RFTN2: variants seen among roughly 807,000 people sequenced by gnomAD.
RFTN2 encodes raftlin family member 2, also known as raftlin-2.
Under a neutral mutation model 52.7 loss-of-function variants are expected in RFTN2, and 34 were observed. The observed-to-expected ratio is 0.64, with a 90% CI of 0.49 to 0.86. The LOEUF is 0.86. Ranked by LOEUF, RFTN2 falls within the 40% of genes least tolerant of loss-of-function variation. RFTN2 has a pLI of 0.00. For missense variants in RFTN2, 536 were observed against 600.1 expected, an observed-to-expected ratio of 0.89 and a Z score of 1.12; for synonymous variants, 203 against 217.7, an observed-to-expected ratio of 0.93 and a Z score of 0.59.
At chr2:197,624,760 A>G (rs2088326963) in intron 5 of RFTN2, among the ~76,000 whole-genome samples, 1 of 152,070 alleles carries the variant, frequency 6.6e-6, no homozygotes, top group Non-Finnish European at 1.5e-5. Flanking sequence ...CAGGAGTTCA[A>G]GACCAGCCTG....
chr2:197,674,212 A>G (rs1473144912), intron 1 of RFTN2, among the ~76,000 whole-genome samples: 1 of 151,908 alleles, frequency 6.6e-6, no homozygotes, highest in Non-Finnish European at 1.5e-5. Context: ...AACATGTTAA[A>G]AGTCTATGTA....
intron 5 of RFTN2, among the ~76,000 whole-genome samples, chr2:197,618,791 G>C (rs889047292): frequency 1.3e-5 from 2 of 151,302 alleles, no homozygotes; most frequent in Admixed American, 1.3e-4. Flanking sequence ...TCTGAGAAGT[G>C]AGGAGACCTT....
At chr2:197,598,181 G>A (rs1000294342) in intron 7 of RFTN2, among the ~76,000 whole-genome samples, 1 of 152,010 alleles carries the variant, frequency 6.6e-6, no homozygotes, top group African/African-American at 2.4e-5. Flanking sequence ...TTATCCAAGT[G>A]TGGTGGTACA....
intron 3 of RFTN2, among the ~76,000 whole-genome samples, chr2:197,639,376 C>T (rs1440368003): frequency 6.6e-6 from 1 of 152,022 alleles, no homozygotes. Flanking sequence ...TTCAGGTACA[C>T]CAGCCAGACG....
intron 8 of RFTN2, among the ~76,000 whole-genome samples, chr2:197,592,367 G>C (rs1289860852): frequency 6.6e-6 from 1 of 152,134 alleles, no homozygotes; most frequent in African/African-American, 2.4e-5. Context: ...AGCTAATTGT[G>C]TATTTTTAGT....
intron 8 of RFTN2, among the ~76,000 whole-genome samples, chr2:197,594,648 T>A (rs929314195): frequency 6.6e-6 from 1 of 152,206 alleles, no homozygotes; most frequent in African/African-American, 2.4e-5. Flanking sequence ...GAATATTTTT[T>A]AATAAACTCA....
Position 197,631,204 on chromosome 2 carries a change from C to T in RFTN2, c.735G>A (p.Leu245=), listed in dbSNP as rs1248802002. Residue 245 remains leucine, a synonymous_variant, in exon 5 of 9, where the codon TTG becomes TTA. Coordinates refer to ENST00000295049, the MANE Select transcript of RFTN2 (RefSeq NM_144629.3). ...CATCAAAAGCATTGAAGACTGTATA[C>T]AATTTGTTATCTGAGGCTAGGCATT... is the stretch of plus-strand genomic sequence containing the variant. ...SRKGEASDNK[L]YTVFNAFDDD... 6.2e-7 allele frequency: 1 copy of T among 1,610,202 alleles called. No individual in the cohort carries two copies. The highest frequency in any genetic ancestry group is 8.5e-7 in the Non-Finnish European group (1 of 1,178,904).
chr2:197,655,177 TTAAAA>T (rs1280116933), intron 1 of RFTN2, among the ~76,000 whole-genome samples: 2 of 152,126 alleles, frequency 1.3e-5, no homozygotes, highest in Non-Finnish European at 2.9e-5. Flanking sequence ...ATACAACATG[TTAAAA>T]TAATCACAAA....
At chr2:197,580,316 C>T (rs934224683) in intron 8 of RFTN2, among the ~76,000 whole-genome samples, 2 of 152,238 alleles carry the variant, frequency 1.3e-5, no homozygotes, top group South Asian at 4.1e-4. Context: ...CTCCAGCACA[C>T]AGGAATTTCA....
intron 8 of RFTN2, among the ~76,000 whole-genome samples, chr2:197,586,455 C>A (rs2087599815): frequency 6.6e-6 from 1 of 152,166 alleles, no homozygotes; most frequent in South Asian, 2.1e-4. Flanking sequence ...TATACAAGGT[C>A]TCTTCTTCCT....
At chr2:197,587,096 C>T (rs1249690928) in intron 8 of RFTN2, among the ~76,000 whole-genome samples, 1 of 152,112 alleles carries the variant, frequency 6.6e-6, no homozygotes, top group Non-Finnish European at 1.5e-5. Flanking sequence ...TCAATTCATA[C>T]AAAACTGCAT....
chr2:197,616,412 C>T (rs115595558), intron 6 of RFTN2, among the ~76,000 whole-genome samples: 4,087 of 151,878 alleles, frequency 0.027, 79 homozygotes, highest in Middle Eastern at 0.041. Context: ...CTGCCTCTGC[C>T]GCCTGAGTAA....
At position 197,652,916 on chromosome 2, in the gene RFTN2, A is replaced by G. The variant is rs114684047; in HGVS notation, c.140-6250T>C. Among the ~76,000 whole-genome samples the G allele has an allele frequency of 2.6e-3, 400 of 152,342 alleles. 3 individuals carry two copies. The highest frequency in any genetic ancestry group is 4.3e-3 in the Admixed American group (66 of 15,302). ...GTCTGTAGCTGACTGCAAACTAATTATAAGCCAAGAGTTAATCTAATGTGA... is the reference window on the plus strand; with the variant it reads ...GTCTGTAGCTGACTGCAAACTAATTGTAAGCCAAGAGTTAATCTAATGTGA... On this transcript the variant is annotated intron_variant, in intron 1 of 8. Coordinates refer to ENST00000295049, the MANE Select transcript of RFTN2 (RefSeq NM_144629.3).
At chr2:197,621,504 T>A (rs2088265286) in intron 5 of RFTN2, among the ~76,000 whole-genome samples, 3 of 151,720 alleles carry the variant, frequency 2.0e-5, no homozygotes, top group African/African-American at 7.3e-5. Flanking sequence ...CATGTGTTGG[T>A]GTCACATTTT....
chr2:197,641,108 G>T (rs1368205029), intron 3 of RFTN2, among the ~76,000 whole-genome samples: 1 of 152,212 alleles, frequency 6.6e-6, no homozygotes, highest in East Asian at 1.9e-4. Context: ...GAAAGAAAAA[G>T]AATTATGATG....
chr2:197,644,004 T>C (rs766838287), intron 3 of RFTN2, among the ~76,000 whole-genome samples, 154 bp downstream of exon 3: 17 of 152,244 alleles, frequency 1.1e-4, no homozygotes, highest in Non-Finnish European at 2.2e-4. Context: ...TTAAACGCTT[T>C]ACCATTTGGC....
intron 2 of RFTN2, among the ~76,000 whole-genome samples, chr2:197,645,664 A>C (rs182080590): frequency 6.6e-6 from 1 of 152,204 alleles, no homozygotes; most frequent in African/African-American, 2.4e-5. Flanking sequence ...TAGATTTTGG[A>C]AAAAGGTTAA....
chr2:197,610,542 A>C (rs1044211118), intron 7 of RFTN2, among the ~76,000 whole-genome samples: 1 of 152,214 alleles, frequency 6.6e-6, no homozygotes, highest in African/African-American at 2.4e-5. Context: ...TAAATATACA[A>C]TCATGTCTTC....
chr2:197,583,568 T>C (rs13012421), intron 8 of RFTN2, among the ~76,000 whole-genome samples: 3 of 152,072 alleles, frequency 2.0e-5, no homozygotes, highest in Non-Finnish European at 4.4e-5. Context: ...AATGGTCTTT[T>C]AAAGACACAC....
Sources: gnomAD v4.1 joint callset for allele counts (sites outside exome capture counted in the v4.1 genomes callset) on GRCh38, gnomAD v4.1.1 for gene constraint, MANE v1.5 for transcripts, NCBI Gene and HGNC (gene_info 2026-07-23, HGNC 2026-07-21) for gene names.